The following TTC6 variants were observed in gnomAD, a reference collection of about 807,000 sequenced individuals.
TTC6 encodes the protein tetratricopeptide repeat domain 6.
TTC6 carries 172 observed loss-of-function variants against 210.4 expected under a neutral mutation model. The observed-to-expected ratio is 0.82, with a 90% confidence interval of 0.72 to 0.93. The LOEUF is 0.93. Among genes scored for constraint, TTC6 ranks in the 40% least tolerant of loss-of-function variants. TTC6 has a pLI of 0.00. For missense variants in TTC6, 2,414 were observed against 2,318.1 expected, an observed-to-expected ratio of 1.04 and a Z score of -0.85; for synonymous variants, 804 against 819.6, an observed-to-expected ratio of 0.98 and a Z score of 0.32.
At chr14:37,657,056 T>TA (rs1193969419) in intron 1 of TTC6, among the ~76,000 whole-genome samples, 1 of 151,358 alleles carries the variant, frequency 6.6e-6, no homozygotes, top group African/African-American at 2.4e-5. Context: ...TTAAAAATAC[T>TA]AAAAAATTAG....
intron 22 of TTC6, among the ~76,000 whole-genome samples, chr14:37,806,846 G>C (rs2096119507): frequency 6.6e-6 from 1 of 151,872 alleles, no homozygotes; most frequent in Non-Finnish European, 1.5e-5. Flanking sequence ...GACTATACAG[G>C]CAACACAAAA....
chr14:37,670,279 T>C (rs1236721356), intron 1 of TTC6, among the ~76,000 whole-genome samples: 4 of 152,146 alleles, frequency 2.6e-5, no homozygotes, highest in Non-Finnish European at 5.9e-5. Flanking sequence ...TTTTCACAAA[T>C]ACTGTAGCAA....
At chr14:37,703,743 A>T (rs1166772066) in intron 5 of TTC6, among the ~76,000 whole-genome samples, 2 of 152,144 alleles carry the variant, frequency 1.3e-5, no homozygotes, top group Non-Finnish European at 2.9e-5. Flanking sequence ...GTAGTGTTCA[A>T]ACTTACGCTT....
chr14:37,669,794 A>C, intron 1 of TTC6, among the ~76,000 whole-genome samples: 1 of 152,186 alleles, frequency 6.6e-6, no homozygotes, highest in East Asian at 1.9e-4. Context: ...TCACTCTATA[A>C]ATAAATATTT....
chr14:37,782,389 A>T (rs1035475956), intron 14 of TTC6, among the ~76,000 whole-genome samples: 4 of 152,146 alleles, frequency 2.6e-5, no homozygotes, highest in African/African-American at 9.7e-5. Context: ...CTTTGAAGCA[A>T]TTGTGAATGG....
chr14:37,795,448 C>A, intron 18 of TTC6, 96 bp downstream of exon 20: 1 of 689,554 alleles, frequency 1.5e-6, no homozygotes, highest in South Asian at 2.9e-5. Flanking sequence ...TCAGGCTCCC[C>A]ATTTTACATT....
chr14:37,812,216 A>C, intron 24 of TTC6, 98 bp from the exon 27 acceptor site: 1 of 1,240,996 alleles, frequency 8.1e-7, no homozygotes, highest in Non-Finnish European at 1.1e-6. Context: ...TTGAAGAACT[A>C]ACCATTGGGT....
exon 13 of TTC6, chr14:37,751,057 A>G (rs1386152325): frequency 6.6e-7 from 1 of 1,520,350 alleles, no homozygotes; most frequent in South Asian, 1.2e-5. Flanking sequence ...CTTTAGAGGC[A>G]TATTTGTCAA....
intron 6 of TTC6, among the ~76,000 whole-genome samples, chr14:37,716,562 C>T (rs2138773789): frequency 6.6e-6 from 1 of 152,030 alleles, no homozygotes; most frequent in East Asian, 1.9e-4. Flanking sequence ...GACTTCCAAG[C>T]AAAGAAAGTT....
chr14:37,759,383 A>T (rs1300067512), intron 14 of TTC6, among the ~76,000 whole-genome samples: 1 of 152,102 alleles, frequency 6.6e-6, no homozygotes. Flanking sequence ...TGTTAGTCTG[A>T]TGGGCTTCCC....
intron 3 of TTC6, among the ~76,000 whole-genome samples, chr14:37,691,298 A>G (rs2138616795): frequency 6.6e-6 from 1 of 152,282 alleles, no homozygotes; most frequent in South Asian, 2.1e-4. Context: ...CCACTGCACT[A>G]CAGCCTGTGT....
chr14:37,812,507 A>C, intron 25 of TTC6, 74 bp downstream of exon 27: 1 of 1,388,010 alleles, frequency 7.2e-7, no homozygotes. Flanking sequence ...AGATTTTATT[A>C]TTATCAACTG....
exon 1 of TTC6, chr14:37,595,878 C>T (rs1473969251): frequency 6.6e-6 from 1 of 152,084 alleles, no homozygotes; most frequent in Non-Finnish European, 1.5e-5. Flanking sequence ...GGGAAAAAGC[C>T]CCACTTTTGC....
chr14:37,608,591 G>C (rs1357299773), intron 2 of TTC6, among the ~76,000 whole-genome samples: 1 of 151,434 alleles, frequency 6.6e-6, no homozygotes. Flanking sequence ...ACAGGTGTGA[G>C]CCACCAGTGC....
chr14:37,827,684 T>G (rs2096175404), intron 29 of TTC6: 1 of 208,754 alleles, frequency 4.8e-6, no homozygotes, highest in South Asian at 1.1e-4. Context: ...TACGATTTGA[T>G]GTCTTGACAT....
intron 20 of TTC6, among the ~76,000 whole-genome samples, chr14:37,804,422 C>T (rs543274063): frequency 6.6e-6 from 1 of 152,256 alleles, no homozygotes; most frequent in East Asian, 1.9e-4. Flanking sequence ...TCCAAAAATC[C>T]ATGTCCATAA....
At chr14:37,686,994 G>A (rs1300986926) in intron 3 of TTC6, among the ~76,000 whole-genome samples, 1 of 152,132 alleles carries the variant, frequency 6.6e-6, no homozygotes, top group African/African-American at 2.4e-5. Context: ...GGAATAGAAG[G>A]CTCCATTGAT....
At chr14:37,737,807 T>TA in intron 9 of TTC6, 73 bp downstream of exon 11, 1 of 848,448 alleles carries the variant, frequency 1.2e-6, no homozygotes, top group Non-Finnish European at 1.7e-6. Flanking sequence ...CACCTTATTT[T>TA]TTTTTAAAAG....
intron 7 of TTC6, among the ~76,000 whole-genome samples, chr14:37,735,262 T>G (rs12895548): frequency 6.6e-6 from 1 of 151,886 alleles, no homozygotes; most frequent in Non-Finnish European, 1.5e-5. Context: ...TGTTAGTGTT[T>G]GAGACCTAAC....
Sources: gnomAD v4.1 joint callset for allele counts (sites outside exome capture counted in the v4.1 genomes callset) on GRCh38, gnomAD v4.1.1 for gene constraint, MANE v1.5 for transcripts, NCBI Gene and HGNC (gene_info 2026-07-23, HGNC 2026-07-21) for gene names.